Variants in SLC9A4 observed in about 807,000 individuals in gnomAD.
The protein encoded by SLC9A4 is sodium/hydrogen exchanger 4.
SLC9A4 carries 63 observed loss-of-function variants against 67.4 expected under a neutral mutation model. That is an observed-to-expected ratio of 0.93 (90% CI 0.76 to 1.15). The LOEUF is 1.15. SLC9A4 is among the 50% of genes most tolerant of loss of function. SLC9A4 has a pLI of 0.00. For synonymous variants in SLC9A4, 393 were observed against 367.2 expected, an observed-to-expected ratio of 1.07 and a Z score of -0.80; for missense variants, 1,089 against 987.7, an observed-to-expected ratio of 1.10 and a Z score of -1.38.
intron 7 of SLC9A4, among the ~76,000 whole-genome samples, 165 bp downstream of exon 7, chr2:102,512,438 A>G (rs1443258662): frequency 6.6e-6 from 1 of 152,240 alleles, no homozygotes; most frequent in African/African-American, 2.4e-5. Flanking sequence ...CTAAGCCTGG[A>G]AAATGAAGAA....
intron 7 of SLC9A4, among the ~76,000 whole-genome samples, chr2:102,513,254 C>G (rs1157900466): frequency 1.3e-5 from 2 of 152,188 alleles, no homozygotes; most frequent in Non-Finnish European, 2.9e-5. Context: ...GCTCAGGAAG[C>G]CAGCCCCTAA....
intron 2 of SLC9A4, among the ~76,000 whole-genome samples, chr2:102,492,027 CCTTT>C (rs1322832869): frequency 1.3e-5 from 2 of 152,242 alleles, no homozygotes; most frequent in East Asian, 1.9e-4. Context: ...AAAATGATCT[CCTTT>C]GATTCCATGT....
intron 9 of SLC9A4, among the ~76,000 whole-genome samples, chr2:102,524,807 C>G (rs1038963444): frequency 5.3e-5 from 8 of 152,218 alleles, no homozygotes; most frequent in Non-Finnish European, 1.0e-4. Context: ...GGCAGAGGCT[C>G]TAGCCACAGC....
intron 11 of SLC9A4, among the ~76,000 whole-genome samples, chr2:102,529,842 G>T (rs1674743413): frequency 6.6e-6 from 1 of 152,142 alleles, no homozygotes; most frequent in Non-Finnish European, 1.5e-5. Context: ...GCTCCATGCT[G>T]GTTTGGGGGA....
Position 102,512,079 on chromosome 2 carries a change from T to C in SLC9A4, c.1489-124T>C, listed in dbSNP as rs578196766. On this transcript the variant is annotated intron_variant, in intron 6 of 11. Transcript: ENST00000295269. The stretch of plus-strand genomic sequence containing the variant: ...ATATTTTATTACATGAACACAGTGA[T>C]AGAAAGTCAGATAGGCTCCAGAAAA... The C allele has an allele frequency of 5.4e-6, 5 of 932,906 alleles. No individual in the cohort carries two copies. In the South Asian group the frequency reaches 6.4e-5, roughly 12 times the overall value. 57.8% of individuals were successfully genotyped at this position (932,906 alleles called of 1,614,324 possible).
At chr2:102,491,383 T>C (rs1230239247) in intron 2 of SLC9A4, among the ~76,000 whole-genome samples, 1 of 133,648 alleles carries the variant, frequency 7.5e-6, no homozygotes, top group African/African-American at 2.9e-5. Flanking sequence ...CGAGACTGGG[T>C]AATTTATAAA....
chr2:102,485,255 C>T (rs1407067281), intron 2 of SLC9A4, among the ~76,000 whole-genome samples: 1 of 152,182 alleles, frequency 6.6e-6, no homozygotes, highest in Non-Finnish European at 1.5e-5. Flanking sequence ...TCTATTCATT[C>T]ACTAGAGTTT....
chr2:102,501,706 A>C (rs1048899886), intron 2 of SLC9A4, among the ~76,000 whole-genome samples: 1 of 151,996 alleles, frequency 6.6e-6, no homozygotes, highest in Non-Finnish European at 1.5e-5. Context: ...GTGCACACAA[A>C]GCAGTGTGTG....
In SLC9A4 at chr2:102,529,220, A is replaced by G. The variant is rs545987486; in HGVS notation, c.2038+2874A>G. Among the ~76,000 whole-genome samples the G allele has an allele frequency of 4.6e-5, 7 of 152,368 alleles. No individual in the cohort carries two copies. The South Asian group carries it at 1.2e-3, about 27-fold the overall frequency. On this transcript the variant is annotated intron_variant, in intron 11 of 11. Coordinates refer to ENST00000295269, the MANE Select transcript of SLC9A4 (RefSeq NM_001011552.4). ...TACTTCAGACTTGGAATGAACTGTT[A>G]GTCCCAATGATTTCTTTTCTTTCAA...
intron 1 of SLC9A4, among the ~76,000 whole-genome samples, chr2:102,476,569 G>A (rs986292386): frequency 2.6e-5 from 4 of 152,296 alleles, no homozygotes; most frequent in African/African-American, 9.6e-5. Flanking sequence ...GGGCCAAACT[G>A]GGGAGCCACA....
At chr2:102,523,134 T>A (rs1274443275) in intron 9 of SLC9A4, among the ~76,000 whole-genome samples, 1 of 8,076 alleles carries the variant, frequency 1.2e-4, no homozygotes, top group African/African-American at 5.8e-4. Context: ...ACACCCAGCA[T>A]TTTTTTTTTT....
At chr2:102,478,153 C>G (rs1199487431) in intron 1 of SLC9A4, among the ~76,000 whole-genome samples, 3 of 152,116 alleles carry the variant, frequency 2.0e-5, no homozygotes, top group African/African-American at 7.2e-5. Context: ...TGTGGTGAGA[C>G]TGGAGGTCAA....
rs1374892938 is a variant in SLC9A4, at chr2:102,532,592, G to A, written c.2301G>A (p.Lys767=). 1.2e-6 allele frequency: 2 copies of A among 1,614,066 alleles called. No homozygotes were observed. Among genetic ancestry groups the A allele is most frequent in the Non-Finnish European group, 1.7e-6 (2 of 1,179,970 alleles). The part of the protein sequence containing the change: ...EGESGGESEG[K]ASLVEVRSRW... ...AGTCTGGAGGGGAGAGTGAGGGCAA[G>A]GCCTCTTTGGTTGAGGTTCGGTCGA... The change falls in exon 12 of 12, where the codon AAG becomes AAA. Residue 767 remains lysine (K), a synonymous_variant. Transcript: ENST00000295269.
rs754442623 is a variant in SLC9A4 at position 102,508,282 on chromosome 2, G to T, written c.1401+1G>T. 1.2e-6 allele frequency: 2 copies of T among 1,601,426 alleles called. No homozygotes were observed. The highest frequency in any genetic ancestry group is 1.3e-5 in the African/African-American group (1 of 74,458). On this transcript the variant is annotated splice_donor_variant, in intron 5 of 11. Transcript: ENST00000295269. LOFTEE classifies it high-confidence loss of function. ...TATATACTTTACTGTATTTATTCAG[G>T]TAAGTAGATTTCCCTTATATTTAAA...
intron 3 of SLC9A4, among the ~76,000 whole-genome samples, chr2:102,504,146 G>T (rs1200336785): frequency 6.6e-6 from 1 of 152,044 alleles, no homozygotes; most frequent in Admixed American, 6.6e-5. Flanking sequence ...TCCGCCTCCC[G>T]GGTTCACTCC....
At chr2:102,479,352 G>T (rs1213503843) in intron 2 of SLC9A4, 50 bp downstream of exon 2, 2 of 1,533,956 alleles carry the variant, frequency 1.3e-6, no homozygotes, top group South Asian at 1.2e-5. Flanking sequence ...AGGGTTCGGG[G>T]TGGGGCTGGG....
chr2:102,518,669 A>G (rs970341137), intron 8 of SLC9A4, among the ~76,000 whole-genome samples: 1 of 152,214 alleles, frequency 6.6e-6, no homozygotes, highest in Non-Finnish European at 1.5e-5. Flanking sequence ...TCAAATGTAC[A>G]TTACTTTTAA....
chr2:102,481,873 C>T (rs1387043886), intron 2 of SLC9A4, among the ~76,000 whole-genome samples: 1 of 146,814 alleles, frequency 6.8e-6, no homozygotes, highest in Non-Finnish European at 1.5e-5. Context: ...TTACAATTTA[C>T]TAATTCATTT....
At chr2:102,507,667 C>A (rs185972169) in intron 4 of SLC9A4, among the ~76,000 whole-genome samples, 36 of 152,116 alleles carry the variant, frequency 2.4e-4, no homozygotes, top group Non-Finnish European at 1.0e-4. Context: ...CTTTGGATAC[C>A]CAATGAGAAT....
Sources: gnomAD v4.1 joint callset for allele counts (sites outside exome capture counted in the v4.1 genomes callset) on GRCh38, gnomAD v4.1.1 for gene constraint, MANE v1.5 for transcripts, NCBI Gene and HGNC (gene_info 2026-07-23, HGNC 2026-07-21) for gene names.